The following MYO15B variants were observed in gnomAD, a reference collection of about 807,000 sequenced individuals.
MYO15B encodes myosin XVB pseudogene.
MYO15B carries 207 observed loss-of-function variants against 119.3 expected under a neutral mutation model. The ratio of observed to expected loss-of-function variants is 1.73; its 90% CI spans 1.55 to 1.95. The LOEUF (loss-of-function observed/expected upper bound fraction) is 1.95, where lower values mean the gene tolerates loss of function less well. Ranked by LOEUF, MYO15B falls within the 30% of genes most tolerant of loss-of-function variation. The probability of loss-of-function intolerance (pLI) is 0.00; values close to 1 mark genes in which losing one functional copy is unlikely to be tolerated. For synonymous variants in MYO15B, 966 were observed against 498.9 expected (o/e 1.94, Z -12.48); for missense variants, 2,264 against 1,203.1 (o/e 1.88, Z -13.04).
intron 54 of MYO15B, 40 bp from the exon 55 acceptor site, chr17:75,623,909 T>C: frequency 1.4e-6 from 1 of 702,770 alleles, no homozygotes; most frequent in Non-Finnish European, 2.6e-6. Context: ...CTGGGCACTG[T>C]GGCCTGGCCA....
chr17:75,626,529 C>A, exon 64 of MYO15B: 1 of 702,650 alleles, frequency 1.4e-6, no homozygotes, highest in Non-Finnish European at 2.6e-6. Context: ...CCTCCCCCGG[C>A]CCAAGTCTCA....
intron 53 of MYO15B, among the ~76,000 whole-genome samples, chr17:75,623,286 C>T (rs952492198): frequency 6.6e-6 from 1 of 152,040 alleles, no homozygotes; most frequent in Non-Finnish European, 1.5e-5. Flanking sequence ...GATGGCACCA[C>T]TGCACTCCAG....
At chr17:75,614,718 G>T in intron 31 of MYO15B, 35 bp downstream of exon 31, 1 of 702,696 alleles carries the variant, frequency 1.4e-6, no homozygotes, top group Admixed American at 2.0e-5. Context: ...GGTTGGCAGA[G>T]CATGGGAAGC....
At chr17:75,603,724 G>A (rs1359063839) in intron 19 of MYO15B, among the ~76,000 whole-genome samples, 3 of 151,996 alleles carry the variant, frequency 2.0e-5, no homozygotes, top group African/African-American at 7.3e-5. Flanking sequence ...CAGGAGGGGC[G>A]GGGAGGGGCG....
exon 59 of MYO15B, chr17:75,624,891 C>G (rs867206323): frequency 2.9e-6 from 2 of 698,210 alleles, no homozygotes; most frequent in East Asian, 5.4e-5. Context: ...GATAACTCCA[C>G]CTACATCAGC....
chr17:75,594,775 G>A lies in MYO15B; in HGVS notation c.3164+16G>A. On this transcript the variant is annotated intron_variant, in intron 11 of 63. Transcript: ENST00000645453. The stretch of plus-strand genomic sequence containing the variant: ...TTGATGCCAGGTGGCCCTAGAGACG[G>A]GTGAGAGTCAGAGCAGGGCCCGAGG... 1.4e-6 allele frequency: 1 copy of A among 703,016 alleles called. No homozygotes were observed. Among genetic ancestry groups the A allele is most frequent in the South Asian group, 1.5e-5 (1 of 67,604 alleles). The allele number at this position is 703,016 out of a possible 1,614,324, so 43.5% of individuals were successfully genotyped here.
chr17:75,612,983 C>CT lies in MYO15B; in HGVS notation c.4742dup (p.Leu1582ProfsTer31), dbSNP rs2058122454. On this transcript the variant is annotated frameshift_variant, in exon 27 of 64. Transcript: ENST00000645453. LOFTEE classifies it high-confidence loss of function. ...CCGGCTGTGTCGGCAGATGCTGCGG[C>CT]TCCTGGGGGACGGATCCCTGGAGTC... is the stretch of plus-strand genomic sequence containing the variant. 1.4e-6 allele frequency: 1 copy of CT among 690,548 alleles called. No individual in the cohort carries two copies. 42.8% of individuals were successfully genotyped at this position (690,548 alleles called of 1,614,324 possible). A position where few individuals can be genotyped will look rare whatever the true frequency, so the allele number is the denominator to read the frequency against.
chr17:75,626,848 A>C, exon 64 of MYO15B: 1 of 407,088 alleles, frequency 2.5e-6, no homozygotes, highest in Non-Finnish European at 4.6e-6. Context: ...CCCTGGAGAA[A>C]AGGGCTGTGT....
At chr17:75,613,666 T>C in intron 28 of MYO15B, 39 bp from the exon 29 acceptor site, 4 of 699,124 alleles carry the variant, frequency 5.7e-6, no homozygotes, top group Non-Finnish European at 1.0e-5. Context: ...TGGACTCTGC[T>C]GTCCCTCACT....
intron 63 of MYO15B, 74 bp downstream of exon 63, chr17:75,626,302 AGCCCAG>A (rs1568246002): frequency 1.6e-5 from 11 of 697,950 alleles, no homozygotes; most frequent in Admixed American, 8.1e-5. Context: ...GTGCAGTGGG[AGCCCAG>A]GCCCAGGCCG....
chr17:75,622,447 C>T (rs116416881), intron 53 of MYO15B, among the ~76,000 whole-genome samples: 1,776 of 152,162 alleles, frequency 0.012, 30 homozygotes, highest in African/African-American at 0.041. Flanking sequence ...CATCACGCAC[C>T]GGGACCAGCG....
intron 23 of MYO15B, 146 bp downstream of exon 23, chr17:75,611,105 C>A: frequency 1.5e-6 from 1 of 650,656 alleles, no homozygotes; most frequent in South Asian, 1.7e-5. Context: ...CCGGGGTGCT[C>A]TTGGCTCTTG....
rs867587147 is a variant in MYO15B, at chr17:75,610,805, G to A, written c.4387-95G>A. The A allele has an allele frequency of 9.8e-5, 68 of 697,416 alleles. 1 individual carries two copies. In the South Asian group the frequency reaches 9.8e-4, roughly 10 times the overall value. 43.2% of individuals were successfully genotyped at this position (697,416 alleles called of 1,614,324 possible). ...TCACTCCTTTGCTGAGAACCTCCCA[G>A]GGGCAGGAGGGGACAGCTGAACTTC... is the stretch of plus-strand genomic sequence containing the variant. On this transcript the variant is annotated intron_variant, in intron 22 of 63. Coordinates refer to ENST00000645453, the Ensembl canonical transcript of MYO15B.
chr17:75,592,329 G>T (rs1020509122), intron 7 of MYO15B, 28 bp downstream of exon 7: 1 of 702,516 alleles, frequency 1.4e-6, no homozygotes, highest in African/African-American at 1.7e-5. Flanking sequence ...ATCCACCCCT[G>T]CCCAGTTCCC....
At chr17:75,622,699 G>C (rs918296926) in intron 53 of MYO15B, among the ~76,000 whole-genome samples, 13 of 152,226 alleles carry the variant, frequency 8.5e-5, no homozygotes, top group African/African-American at 3.1e-4. Context: ...TCCCAGGTGA[G>C]GGATGGTGCT....
At chr17:75,605,674 G>A (rs936054) in intron 20 of MYO15B, 53 bp downstream of exon 20, 694,523 of 694,526 alleles carry the variant, frequency 1, 347,260 homozygotes, top group Non-Finnish European at 1. Context: ...GAAAGGAGAG[G>A]TGCATTCTGG....
chr17:75,609,229 A>G (rs1205040985), intron 21 of MYO15B, among the ~76,000 whole-genome samples: 1 of 149,648 alleles, frequency 6.7e-6, no homozygotes, highest in Non-Finnish European at 1.5e-5. Context: ...TTTTTGCAAG[A>G]TAGGGTCTGA....
rs770253058 is a variant in MYO15B, at chr17:75,614,761, C to T, written c.5483-12C>T. Reference sequence around the variant, plus strand: ...CCCGGGCCATGGCTCCAACCCTCTCCCTGCCCCACAGGGGAGGTCCAGAGG... The same window carrying T: ...CCCGGGCCATGGCTCCAACCCTCTCTCTGCCCCACAGGGGAGGTCCAGAGG... On this transcript the variant is annotated splice_polypyrimidine_tract_variant and intron_variant, in intron 31 of 63. Transcript: ENST00000645453. 2.7e-5 allele frequency: 19 copies of T among 702,724 alleles called. No homozygotes were observed. The African/African-American group carries it at 3.3e-4, about 12-fold the overall frequency. 43.5% of individuals were successfully genotyped at this position (702,724 alleles called of 1,614,324 possible).
intron 41 of MYO15B, 166 bp downstream of exon 41, chr17:75,617,470 G>C: frequency 1.8e-6 from 1 of 553,946 alleles, no homozygotes; most frequent in South Asian, 2.4e-5. Context: ...CAGCTTCCGC[G>C]TTCCCACCCA....
Sources: allele counts gnomAD v4.1 joint callset (sites outside exome capture counted in the v4.1 genomes callset), GRCh38; gene constraint gnomAD v4.1.1; transcripts MANE v1.5; gene names NCBI Gene and HGNC (gene_info 2026-07-23, HGNC 2026-07-21).